RASGRF2: variants seen among roughly 807,000 people sequenced by gnomAD.
RASGRF2 encodes the protein Ras protein specific guanine nucleotide releasing factor 2.
In RASGRF2, 76 loss-of-function variants were observed where a neutral mutation model predicts 151.0. The observed-to-expected ratio is 0.50, with a 90% CI of 0.42 to 0.61. The LOEUF (loss-of-function observed/expected upper bound fraction) is 0.61, where lower values mean the gene tolerates loss of function less well. RASGRF2 is among the 20% of genes least tolerant of loss of function. The probability of loss-of-function intolerance (pLI) is 0.00; values close to 1 mark genes in which losing one functional copy is unlikely to be tolerated. For missense variants in RASGRF2, 1,148 were observed against 1,564.6 expected, an observed-to-expected ratio of 0.73 and a Z score of 4.49; for synonymous variants, 504 against 566.5, an observed-to-expected ratio of 0.89 and a Z score of 1.57.
chr5:81,224,623 G>A (rs73768048), intron 26 of RASGRF2, among the ~76,000 whole-genome samples: 7 of 152,268 alleles, frequency 4.6e-5, no homozygotes, highest in African/African-American at 1.7e-4. Context: ...GCCCCTATTT[G>A]GGAAGAGCTC....
intron 1 of RASGRF2, among the ~76,000 whole-genome samples, chr5:81,022,596 G>A (rs907021034): frequency 2.6e-5 from 4 of 152,108 alleles, no homozygotes; most frequent in African/African-American, 9.7e-5. Flanking sequence ...TATCCAAGTG[G>A]GGAGAAGCTG....
chr5:81,189,807 G>A (rs1447606863), intron 18 of RASGRF2, among the ~76,000 whole-genome samples: 2 of 149,228 alleles, frequency 1.3e-5, no homozygotes, highest in East Asian at 3.9e-4. Flanking sequence ...CACCTCCCAG[G>A]TTCAAGCAAT....
At chr5:81,188,282 T>C (rs1344419821) in intron 18 of RASGRF2, among the ~76,000 whole-genome samples, 4 of 152,212 alleles carry the variant, frequency 2.6e-5, no homozygotes, top group African/African-American at 9.6e-5. Context: ...GAGATCTTTA[T>C]AGGAGAAAGA....
chr5:81,228,295 G>T lies in RASGRF2; in HGVS notation c.*2525G>T, dbSNP rs1756042315. 1 of 152,232 alleles carries T rather than the reference G, an allele frequency of 6.6e-6. No individual in the cohort carries two copies. The highest frequency in any genetic ancestry group is 6.5e-5 in the Admixed American group (1 of 15,282). The allele number at this position is 152,232 out of a possible 1,614,324, so 9.4% of individuals were successfully genotyped here. A position where few individuals can be genotyped will look rare whatever the true frequency, so the allele number is the denominator to read the frequency against. ...TGGAGCTGCAAGAGGGCAAGAGAGA[G>T]AGCTCCACCTCTGAGGGAGTGTCTG... is the stretch of plus-strand genomic sequence containing the variant. On this transcript the variant is annotated 3_prime_UTR_variant, in exon 27 of 27. Transcript: ENST00000265080.
intron 1 of RASGRF2, among the ~76,000 whole-genome samples, chr5:80,978,614 C>G (rs150309845): frequency 0.01 from 1,559 of 152,184 alleles, 21 homozygotes; most frequent in African/African-American, 0.036. Context: ...TAGTGAAACC[C>G]TGTTTCTACT....
chr5:81,225,892 G>A lies in RASGRF2; in HGVS notation c.*122G>A. 9.5e-7 allele frequency: 1 copy of A among 1,047,728 alleles called. No homozygotes were observed. Among genetic ancestry groups the A allele is most frequent in the Non-Finnish European group, 1.3e-6 (1 of 768,704 alleles). 64.9% of individuals were successfully genotyped at this position (1,047,728 alleles called of 1,614,324 possible). On this transcript the variant is annotated 3_prime_UTR_variant, in exon 27 of 27. Coordinates refer to ENST00000265080, the MANE Select transcript of RASGRF2 (RefSeq NM_006909.3). The stretch of plus-strand genomic sequence containing the variant: ...GGCTCCTTTCTCCACCAAAGAAGAT[G>A]GAACCAGACTGGAATTCTGTCTCCA...
chr5:81,026,732 C>T (rs1467740697), intron 1 of RASGRF2, among the ~76,000 whole-genome samples: 1 of 151,716 alleles, frequency 6.6e-6, no homozygotes, highest in Non-Finnish European at 1.5e-5. Context: ...GAAAAAGCTG[C>T]GTATGTATTT....
intron 24 of RASGRF2, 30 bp downstream of exon 24, chr5:81,215,985 A>G: frequency 2.1e-6 from 3 of 1,456,162 alleles, no homozygotes; most frequent in East Asian, 2.7e-5. Context: ...TAAATTATTC[A>G]TAATTCAGAA....
At chr5:81,151,408 G>T (rs1754131978) in intron 17 of RASGRF2, among the ~76,000 whole-genome samples, 1 of 146,684 alleles carries the variant, frequency 6.8e-6, no homozygotes, top group Admixed American at 6.8e-5. Flanking sequence ...TTTTTGAGAT[G>T]GAGTCTCGCT....
chr5:81,169,412 T>G (rs1754592509), intron 17 of RASGRF2, among the ~76,000 whole-genome samples: 1 of 152,212 alleles, frequency 6.6e-6, no homozygotes, highest in Non-Finnish European at 1.5e-5. Flanking sequence ...TTCTGGAGGC[T>G]CTGGGGGAGA....
chr5:81,039,647 T>C (rs181957360), intron 1 of RASGRF2, among the ~76,000 whole-genome samples: 2 of 152,310 alleles, frequency 1.3e-5, no homozygotes, highest in African/African-American at 4.8e-5. Flanking sequence ...TTATGAACTA[T>C]ATAGATCTTT....
At chr5:81,036,920 A>C (rs1750518085) in intron 1 of RASGRF2, among the ~76,000 whole-genome samples, 1 of 152,238 alleles carries the variant, frequency 6.6e-6, no homozygotes, top group African/African-American at 2.4e-5. Context: ...GCTGCTAATA[A>C]AGACATACCT....
chr5:81,000,393 C>T (rs1749040863), intron 1 of RASGRF2, among the ~76,000 whole-genome samples: 1 of 152,166 alleles, frequency 6.6e-6, no homozygotes, highest in Non-Finnish European at 1.5e-5. Context: ...AGGTGCCTAC[C>T]ACCATGCCTG....
At chr5:81,187,722 T>C (rs1053973834) in intron 18 of RASGRF2, among the ~76,000 whole-genome samples, 3 of 152,170 alleles carry the variant, frequency 2.0e-5, no homozygotes, top group African/African-American at 7.2e-5. Context: ...GGTGGAAAAG[T>C]GTGTGACGGT....
chr5:81,013,953 T>C (rs899697276), intron 1 of RASGRF2, among the ~76,000 whole-genome samples: 1 of 152,176 alleles, frequency 6.6e-6, no homozygotes, highest in Admixed American at 6.5e-5. Flanking sequence ...AGAATGTTTT[T>C]ATACTCATTA....
chr5:81,090,209 G>A (rs933678169), intron 9 of RASGRF2, among the ~76,000 whole-genome samples: 2 of 152,162 alleles, frequency 1.3e-5, no homozygotes, highest in Middle Eastern at 3.2e-3. Flanking sequence ...AACCCAATAA[G>A]CTGGAAATGG....
At chr5:81,080,248 A>T (rs780179748) in intron 6 of RASGRF2, 48 bp downstream of exon 6, 4 of 1,575,050 alleles carry the variant, frequency 2.5e-6, no homozygotes, top group Non-Finnish European at 3.4e-6. Flanking sequence ...GAGTGGCTGC[A>T]ATTAGAGTAA....
At chr5:81,198,278 T>G (rs1011327665) in intron 18 of RASGRF2, among the ~76,000 whole-genome samples, 6 of 152,154 alleles carry the variant, frequency 3.9e-5, no homozygotes, top group African/African-American at 1.4e-4. Context: ...CCCTCCCTCC[T>G]TTTGGAGTCC....
At chr5:80,996,321 C>G (rs1445988099) in intron 1 of RASGRF2, among the ~76,000 whole-genome samples, 11 of 134,660 alleles carry the variant, frequency 8.2e-5, no homozygotes, top group Non-Finnish European at 8.0e-5. Context: ...CTCTCTCTCT[C>G]TGTGTGTGTG....
Sources: gnomAD v4.1 joint callset for allele counts (sites outside exome capture counted in the v4.1 genomes callset) on GRCh38, gnomAD v4.1.1 for gene constraint, MANE v1.5 for transcripts, NCBI Gene and HGNC (gene_info 2026-07-23, HGNC 2026-07-21) for gene names.